The following WDFY4 variants were observed in gnomAD, a reference collection of about 807,000 sequenced individuals.
WDFY4 encodes WDFY family member 4, also known as WD repeat- and FYVE domain-containing protein 4.
In WDFY4, 169 loss-of-function variants were observed where a neutral mutation model predicts 351.9. That is an observed-to-expected ratio of 0.48 (90% confidence interval 0.42 to 0.55). The LOEUF (loss-of-function observed/expected upper bound fraction) is 0.55, where lower values mean the gene tolerates loss of function less well. Among genes scored for constraint, WDFY4 ranks in the 20% least tolerant of loss-of-function variants. The probability of loss-of-function intolerance (pLI) is 0.00; values close to 1 mark genes in which losing one functional copy is unlikely to be tolerated. For missense variants in WDFY4, 3,803 were observed against 3,935.6 expected, an observed-to-expected ratio of 0.97 and a Z score of 0.90; for synonymous variants, 1,622 against 1,574.6, an observed-to-expected ratio of 1.03 and a Z score of -0.71.
At chr10:48,981,603 C>G in intron 61 of WDFY4, 125 bp downstream of exon 61, 2 of 806,414 alleles carry the variant, frequency 2.5e-6, no homozygotes, top group Non-Finnish European at 3.9e-6. Context: ...GGACATGGCC[C>G]CACCAAGCAC....
intron 10 of WDFY4, among the ~76,000 whole-genome samples, chr10:48,734,509 A>G (rs1315255371): frequency 2.2e-5 from 3 of 134,820 alleles, no homozygotes; most frequent in African/African-American, 8.6e-5. Flanking sequence ...TCTGGGTTTT[A>G]AAAATAATAT....
chr10:48,910,762 GGAGT>G (rs1837925029), intron 47 of WDFY4: 1 of 194,240 alleles, frequency 5.1e-6, no homozygotes, highest in African/African-American at 2.4e-5. Context: ...GAGCAAGGCT[GGAGT>G]GAGTGTCAGG....
At chr10:48,844,361 G>A (rs867713359) in intron 39 of WDFY4, among the ~76,000 whole-genome samples, 5 of 152,218 alleles carry the variant, frequency 3.3e-5, no homozygotes, top group Middle Eastern at 6.8e-3. Context: ...GGAGACCAAG[G>A]CGAGTGGATC....
intron 39 of WDFY4, among the ~76,000 whole-genome samples, chr10:48,845,894 T>C (rs2068760477): frequency 6.6e-6 from 1 of 152,188 alleles, no homozygotes; most frequent in African/African-American, 2.4e-5. Context: ...TGTGGAGTGG[T>C]AGGCAAGAGG....
rs540826704 is a variant in WDFY4, at chr10:48,813,149, T to C, written c.5215-808T>C. On this transcript the variant is annotated intron_variant, in intron 30 of 61. Coordinates refer to ENST00000325239, the MANE Select transcript of WDFY4 (RefSeq NM_001394531.1). ...ACAAATAGCCAACTTAGAAACTATT[T>C]CTTGGTCTCAATCGAGTTGAGTTAA... is the stretch of plus-strand genomic sequence containing the variant. 2.2e-3 allele frequency among the ~76,000 whole-genome samples: 328 copies of C among 152,270 alleles called. 4 individuals carry two copies. The highest frequency in any genetic ancestry group is 2.6e-3 in the Non-Finnish European group (180 of 68,020).
At chr10:48,708,453 G>A (rs2063688706) in intron 1 of WDFY4, among the ~76,000 whole-genome samples, 1 of 152,200 alleles carries the variant, frequency 6.6e-6, no homozygotes, top group Non-Finnish European at 1.5e-5. Flanking sequence ...TGTGATTGTT[G>A]AATGCCTGCT....
In WDFY4 at chr10:48,877,060, G is replaced by A. The variant is rs1480688203; in HGVS notation, c.7028G>A (p.Gly2343Asp). 1 of 1,513,600 alleles carries A rather than the reference G, an allele frequency of 6.6e-7. No individual in the cohort carries two copies. Among genetic ancestry groups the A allele is most frequent in the East Asian group, 2.5e-5 (1 of 40,310 alleles). 93.8% of individuals were successfully genotyped at this position (1,513,600 alleles called of 1,614,324 possible). The change falls in exon 43 of 62, where the codon GGC (glycine) becomes GAC (aspartate). Residue 2343 changes from glycine to aspartate, a missense_variant. Around this residue, in one of 3 missense-constraint regions of WDFY4, gnomAD observed 3,054 missense variants for 3,148.6 expected, o/e 0.97. Coordinates refer to ENST00000325239, the MANE Select transcript of WDFY4 (RefSeq NM_001394531.1). ...GAACTGACACTGAGGGAGGCTGAGG[G>A]CGAGCCGGACGAGGTGGGGGTGGAC... ...QDELTLREAE[G>D]EPDEVGVDCT... is the part of the protein sequence containing the mutation.
intron 53 of WDFY4, 71 bp from the exon 54 acceptor site, chr10:48,963,771 C>G: frequency 6.9e-7 from 1 of 1,454,472 alleles, no homozygotes; most frequent in Non-Finnish European, 9.4e-7. Context: ...TGTGCCCCTT[C>G]CAATCTGTGC....
chr10:48,694,892 G>A (rs2063291737), intron 1 of WDFY4, among the ~76,000 whole-genome samples: 2 of 152,116 alleles, frequency 1.3e-5, no homozygotes, highest in East Asian at 3.9e-4. Flanking sequence ...TGGGCCATAA[G>A]CCTCCTCTTG....
chr10:48,965,778 C>CAGTTAGATATAGATTATATCTGTATT (rs1564534969), intron 54 of WDFY4, among the ~76,000 whole-genome samples: 2 of 152,134 alleles, frequency 1.3e-5, no homozygotes, highest in Non-Finnish European at 2.9e-5. Context: ...ATATCTATAT[C>CAGTTAGATATAGATTATATCTGTATT]AGTTAGATAT....
At chr10:48,697,673 C>A (rs1354249288) in intron 1 of WDFY4, among the ~76,000 whole-genome samples, 1 of 152,260 alleles carries the variant, frequency 6.6e-6, no homozygotes, top group Non-Finnish European at 1.5e-5. Context: ...ATCATGGCCC[C>A]ATACCTCCTG....
intron 13 of WDFY4, among the ~76,000 whole-genome samples, chr10:48,772,777 A>G (rs2065911157): frequency 6.8e-6 from 1 of 146,880 alleles, no homozygotes; most frequent in African/African-American, 2.6e-5. Flanking sequence ...ATTCCCACCT[A>G]TGAGTGAGAA....
At chr10:48,894,061 A>G (rs1836950313) in intron 44 of WDFY4, among the ~76,000 whole-genome samples, 1 of 152,190 alleles carries the variant, frequency 6.6e-6, no homozygotes, top group South Asian at 2.1e-4. Context: ...CAGCTGTGTG[A>G]ATGTTACATA....
At chr10:48,913,559 A>G (rs778157961) in intron 47 of WDFY4, 2 of 1,614,026 alleles carry the variant, frequency 1.2e-6, no homozygotes, top group South Asian at 1.1e-5. Context: ...CCTCCACAAC[A>G]TACAAGTTCT....
At chr10:48,971,991 G>A (rs1037109110) in intron 57 of WDFY4, among the ~76,000 whole-genome samples, 1 of 152,212 alleles carries the variant, frequency 6.6e-6, no homozygotes, top group African/African-American at 2.4e-5. Flanking sequence ...TACTGGGGCA[G>A]TGATTTTTCT....
intron 51 of WDFY4, among the ~76,000 whole-genome samples, chr10:48,954,032 G>A (rs1841470988): frequency 6.6e-6 from 1 of 152,160 alleles, no homozygotes; most frequent in Admixed American, 6.5e-5. Flanking sequence ...TCAATGTGCA[G>A]GAATAGTCCT....
chr10:48,796,448 G>A lies in WDFY4; in HGVS notation c.4408G>A (p.Glu1470Lys), dbSNP rs1191718356. 6.5e-6 allele frequency: 10 copies of A among 1,550,328 alleles called. No individual in the cohort carries two copies. Among genetic ancestry groups the A allele is most frequent in the African/African-American group, 2.7e-5 (2 of 73,036 alleles). ...CTTCCAGCACATCCTCTGCAATTTCGAGGTAAATCAGAGATTGGCCCTTAG... is the reference window on the plus strand; with the variant it reads ...CTTCCAGCACATCCTCTGCAATTTCAAGGTAAATCAGAGATTGGCCCTTAG... ...GVFQHILCNF[E>K]LWMNTADNLE... is the part of the protein sequence containing the mutation. The change falls in exon 24 of 62, where the codon GAG becomes AAG. Residue 1470 changes from glutamate to lysine, a missense_variant and splice_region_variant. Glu to Lys is a moderately conservative substitution (Grantham distance 56). Coordinates refer to ENST00000325239, the MANE Select transcript of WDFY4 (RefSeq NM_001394531.1).
At chr10:48,853,413 C>G (rs184862917) in intron 39 of WDFY4, among the ~76,000 whole-genome samples, 4 of 152,294 alleles carry the variant, frequency 2.6e-5, no homozygotes, top group Non-Finnish European at 5.9e-5. Flanking sequence ...ATTAAGCAAA[C>G]CAGAAATTTG....
In WDFY4 at chr10:48,811,707, A is replaced by G. The variant is rs554639716; in HGVS notation, c.5213A>G (p.Lys1738Arg). Residue 1738 changes from lysine (K) to arginine (R), a missense_variant and splice_region_variant, in exon 30 of 62, where the codon AAA becomes AGA. Transcript: ENST00000325239. ...CTCACAGAGCTGATGGACGGGCCCA[A>G]AGTAGGTTTTCAGAGCACCCACAGG... is the stretch of plus-strand genomic sequence containing the variant. ...TPLTELMDGP[K>R]DSLDAMLQWL... is the part of the protein sequence containing the mutation. 2.6e-6 allele frequency: 4 copies of G among 1,551,534 alleles called. No individual in the cohort carries two copies. Among genetic ancestry groups the G allele is most frequent in the Admixed American group, 3.9e-5 (2 of 50,984 alleles).
Sources: allele counts gnomAD v4.1 joint callset (sites outside exome capture counted in the v4.1 genomes callset), GRCh38; gene constraint gnomAD v4.1.1; regional missense constraint gnomAD v4.1.1; transcripts MANE v1.5; gene names NCBI Gene and HGNC (gene_info 2026-07-23, HGNC 2026-07-21).